COL25A1: variants seen among roughly 807,000 people sequenced by gnomAD.
COL25A1 encodes collagen type XXV alpha 1 chain, also known as collagen alpha-1(XXV) chain.
In COL25A1, 103 loss-of-function variants were observed where a neutral mutation model predicts 128.4. The ratio of observed to expected loss-of-function variants is 0.80; its 90% CI spans 0.68 to 0.94. The LOEUF (loss-of-function observed/expected upper bound fraction) is 0.94, where lower values mean the gene tolerates loss of function less well. COL25A1 is among the 40% of genes least tolerant of loss of function. The pLI is 0.00. For synonymous variants in COL25A1, 279 were observed against 277.2 expected (o/e 1.01, Z -0.06); for missense variants, 745 against 840.0 (o/e 0.89, Z 1.40).
rs1335076666 is a variant in COL25A1 at position 108,809,209 on chromosome 4, A to T, written c.*4718T>A. 6 of 152,040 alleles carry T rather than the reference A, an allele frequency of 3.9e-5. No homozygotes were observed. The highest frequency in any genetic ancestry group is 8.8e-5 in the Non-Finnish European group (6 of 67,960). 9.4% of individuals were successfully genotyped at this position (152,040 alleles called of 1,614,324 possible). A position where few individuals can be genotyped will look rare whatever the true frequency, so the allele number is the denominator to read the frequency against. ...ATATTTTTTTTTGCATATTTCACTT[A>T]TTTTGTATTTATGTGAGTTTTTGGC... is the stretch of plus-strand genomic sequence containing the variant. On this transcript the variant is annotated 3_prime_UTR_variant, in exon 38 of 38. Transcript: ENST00000399132.
At chr4:109,039,619 C>T (rs1211771270) in intron 5 of COL25A1, among the ~76,000 whole-genome samples, 1 of 152,174 alleles carries the variant, frequency 6.6e-6, no homozygotes, top group Non-Finnish European at 1.5e-5. Context: ...ACTTCTCTCA[C>T]AAGATTGCTA....
chr4:109,002,753 A>G (rs974479931), intron 6 of COL25A1, among the ~76,000 whole-genome samples: 12 of 151,316 alleles, frequency 7.9e-5, no homozygotes, highest in Admixed American at 1.3e-4. Context: ...TTTTAAATAA[A>G]AATATAGATA....
chr4:108,952,591 G>A (rs1749564188), intron 8 of COL25A1, among the ~76,000 whole-genome samples: 2 of 152,112 alleles, frequency 1.3e-5, no homozygotes, highest in African/African-American at 2.4e-5. Context: ...AAAATAGCAT[G>A]CAATACAATA....
At chr4:109,196,157 G>T (rs562121202) in intron 3 of COL25A1, among the ~76,000 whole-genome samples, 1 of 152,278 alleles carries the variant, frequency 6.6e-6, no homozygotes, top group African/African-American at 2.4e-5. Context: ...TAAAGATAAT[G>T]TACATCCATT....
chr4:109,059,713 T>C (rs1344821794), intron 3 of COL25A1, among the ~76,000 whole-genome samples: 1 of 152,202 alleles, frequency 6.6e-6, no homozygotes, highest in Non-Finnish European at 1.5e-5. Context: ...TCTTATACCA[T>C]GCACAGCAGT....
chr4:108,966,242 T>C lies in COL25A1; in HGVS notation c.492+8125A>G, dbSNP rs112200887. On this transcript the variant is annotated intron_variant, in intron 8 of 37. Transcript: ENST00000399132. ...TTATGTTTTGGGGGGTATTACTATA[T>C]GGCCATTCATCCATTCATATGTTTT... Among the ~76,000 whole-genome samples, 753 of 139,308 alleles carry C rather than the reference T, an allele frequency of 5.4e-3. 5 individuals are homozygous for C. The highest frequency in any genetic ancestry group is 0.018 in the African/African-American group (695 of 37,648). The allele number at this position is 139,308 out of a possible 152,430, so 91.4% of individuals were successfully genotyped here. A position where few individuals can be genotyped will look rare whatever the true frequency, so the allele number is the denominator to read the frequency against.
intron 5 of COL25A1, among the ~76,000 whole-genome samples, chr4:109,036,222 C>T (rs922769617): frequency 5.3e-5 from 8 of 151,820 alleles, no homozygotes; most frequent in Non-Finnish European, 7.4e-5. Context: ...CTACCATGCC[C>T]GGCCCAAACT....
intron 19 of COL25A1, among the ~76,000 whole-genome samples, chr4:108,879,742 C>T (rs1031164541): frequency 7.4e-5 from 11 of 147,806 alleles, no homozygotes; most frequent in Admixed American, 1.4e-4. Context: ...CCACCGTGCC[C>T]GGCCTGGTGG....
intron 3 of COL25A1, among the ~76,000 whole-genome samples, chr4:109,090,327 G>C (rs990691109): frequency 2.0e-5 from 3 of 151,886 alleles, no homozygotes; most frequent in African/African-American, 7.3e-5. Context: ...CTTGTTAGTA[G>C]GTTTTCTTTA....
intron 3 of COL25A1, among the ~76,000 whole-genome samples, chr4:109,127,057 T>G (rs1190722851): frequency 1.3e-5 from 2 of 151,950 alleles, no homozygotes; most frequent in African/African-American, 4.8e-5. Flanking sequence ...TTCAGAAGAG[T>G]GAATAAGAAT....
chr4:109,134,256 G>GT (rs1769496059), intron 3 of COL25A1, among the ~76,000 whole-genome samples: 1 of 151,836 alleles, frequency 6.6e-6, no homozygotes, highest in Non-Finnish European at 1.5e-5. Flanking sequence ...GAGATGATAG[G>GT]TTTTTATAGT....
chr4:108,820,633 T>G (rs908459600), intron 35 of COL25A1, among the ~76,000 whole-genome samples: 1 of 152,172 alleles, frequency 6.6e-6, no homozygotes, highest in Non-Finnish European at 1.5e-5. Context: ...CCTAGGGATC[T>G]TCTTTAATTC....
intron 11 of COL25A1, among the ~76,000 whole-genome samples, chr4:108,923,714 A>T (rs2125904276): frequency 6.6e-6 from 1 of 152,288 alleles, no homozygotes; most frequent in South Asian, 2.1e-4. Context: ...AATGCCATAA[A>T]TTCATTATTC....
intron 25 of COL25A1, 120 bp downstream of exon 25, chr4:108,852,782 A>C: frequency 1.3e-6 from 1 of 761,614 alleles, no homozygotes; most frequent in Non-Finnish European, 2.2e-6. Context: ...TTATTAATAC[A>C]AGAAAACATA....
At chr4:109,139,545 G>T (rs1361433740) in intron 3 of COL25A1, among the ~76,000 whole-genome samples, 1 of 152,132 alleles carries the variant, frequency 6.6e-6, no homozygotes, top group Non-Finnish European at 1.5e-5. Flanking sequence ...CATATGGCTA[G>T]CCAGTTTTCT....
chr4:108,908,522 T>TA (rs949264335), intron 13 of COL25A1, among the ~76,000 whole-genome samples: 7 of 152,174 alleles, frequency 4.6e-5, no homozygotes, highest in Admixed American at 4.6e-4. Flanking sequence ...AGAAAACCCC[T>TA]AGCCTGGACT....
At chr4:109,003,798 TCAAAAA>T (rs139158630) in intron 6 of COL25A1, among the ~76,000 whole-genome samples, 3 of 151,632 alleles carry the variant, frequency 2.0e-5, no homozygotes, top group Middle Eastern at 3.2e-3. Context: ...AGACTCCATC[TCAAAAA>T]CAAAAACAAA....
chr4:108,973,087 G>A (rs1312076782), intron 8 of COL25A1, among the ~76,000 whole-genome samples: 1 of 152,192 alleles, frequency 6.6e-6, no homozygotes, highest in African/African-American at 2.4e-5. Context: ...GGGAAGTTGA[G>A]TGATTTTGAT....
At chr4:108,988,522 T>C (rs1191456232) in intron 6 of COL25A1, among the ~76,000 whole-genome samples, 2 of 152,208 alleles carry the variant, frequency 1.3e-5, no homozygotes, top group Non-Finnish European at 2.9e-5. Flanking sequence ...ATAAAAACTT[T>C]GCACAGTCTC....
Sources: allele counts gnomAD v4.1 joint callset (sites outside exome capture counted in the v4.1 genomes callset), GRCh38; gene constraint gnomAD v4.1.1; transcripts MANE v1.5; gene names NCBI Gene and HGNC (gene_info 2026-07-23, HGNC 2026-07-21).